The following HS6ST3 variants were observed in gnomAD, a reference collection of about 807,000 sequenced individuals.
HS6ST3 encodes heparan-sulfate 6-O-sulfotransferase 3.
A neutral mutation model predicts 36.7 loss-of-function variants in HS6ST3; 12 were observed. The ratio of observed to expected loss-of-function variants is 0.33; its 90% CI spans 0.21 to 0.53. The LOEUF is 0.53. Ranked by LOEUF, HS6ST3 falls within the 20% of genes least tolerant of loss-of-function variation. The pLI, the probability that HS6ST3 is intolerant of heterozygous loss-of-function variation, is 0.95. For missense variants in HS6ST3, 584 were observed against 640.9 expected (o/e 0.91, Z 0.96); for synonymous variants, 240 against 257.5 (o/e 0.93, Z 0.65).
chr13:96,232,176 G>A (rs2054511733), intron 1 of HS6ST3, among the ~76,000 whole-genome samples: 1 of 152,186 alleles, frequency 6.6e-6, no homozygotes. Context: ...TGTGAATTCA[G>A]AGTATAAGAT....
intron 1 of HS6ST3, among the ~76,000 whole-genome samples, chr13:96,626,709 C>G (rs1247349174): frequency 6.6e-6 from 1 of 151,982 alleles, no homozygotes; most frequent in African/African-American, 2.4e-5. Context: ...ACATTTCTAT[C>G]AAATTTTTGT....
chr13:96,243,210 C>T (rs1013008951), intron 1 of HS6ST3, among the ~76,000 whole-genome samples: 15 of 152,146 alleles, frequency 9.9e-5, no homozygotes, highest in African/African-American at 2.4e-4. Context: ...TGAAGTGCTG[C>T]GAGTCATGTA....
chr13:96,122,376 A>G (rs1356463145), intron 1 of HS6ST3, among the ~76,000 whole-genome samples: 1 of 152,072 alleles, frequency 6.6e-6, no homozygotes, highest in African/African-American at 2.4e-5. Flanking sequence ...ATTATTATAG[A>G]ATATTGTACT....
chr13:96,589,122 T>C (rs1201837426), intron 1 of HS6ST3, among the ~76,000 whole-genome samples: 4 of 152,104 alleles, frequency 2.6e-5, no homozygotes, highest in African/African-American at 9.7e-5. Flanking sequence ...AGAATTGTTT[T>C]TAGTTCTTCA....
chr13:96,469,647 A>G (rs1399058248), intron 1 of HS6ST3, among the ~76,000 whole-genome samples: 1 of 152,184 alleles, frequency 6.6e-6, no homozygotes, highest in Non-Finnish European at 1.5e-5. Context: ...TTCAGAGATC[A>G]TGCTAGGAAA....
chr13:96,694,210 C>G lies in HS6ST3; in HGVS notation c.708-138280C>G, dbSNP rs1049135563. Among the ~76,000 whole-genome samples the G allele has an allele frequency of 2.0e-5, 3 of 152,104 alleles. No individual in the cohort carries two copies. In the South Asian group the frequency reaches 6.2e-4, roughly 32 times the overall value. On this transcript the variant is annotated intron_variant, in intron 1 of 1. Transcript: ENST00000376705. ...GAAAGGCCCCAGTGTGTGTTGTTCC[C>G]CTGTCCTTGTGTTCTCATTATTTAG...
At chr13:96,648,639 C>T (rs1477377248) in intron 1 of HS6ST3, among the ~76,000 whole-genome samples, 1 of 151,922 alleles carries the variant, frequency 6.6e-6, no homozygotes, top group East Asian at 1.9e-4. Context: ...TATCCTGATG[C>T]ACTCCCTCCC....
chr13:96,283,284 A>G (rs17756665), intron 1 of HS6ST3, among the ~76,000 whole-genome samples: 3,588 of 152,330 alleles, frequency 0.024, 55 homozygotes, highest in Non-Finnish European at 0.037. Flanking sequence ...GTTCTTGCTT[A>G]GTAACTCTAC....
At chr13:96,229,521 C>T in intron 1 of HS6ST3, among the ~76,000 whole-genome samples, 1 of 152,064 alleles carries the variant, frequency 6.6e-6, no homozygotes, top group South Asian at 2.1e-4. Flanking sequence ...GAGAGAAAGA[C>T]AGGAAACCCG....
intron 1 of HS6ST3, among the ~76,000 whole-genome samples, chr13:96,350,568 T>C (rs1257179473): frequency 6.6e-6 from 1 of 152,198 alleles, no homozygotes; most frequent in Non-Finnish European, 1.5e-5. Context: ...TCTTATATGT[T>C]CATTTTGCCT....
chr13:96,125,646 T>C (rs2053946812), intron 1 of HS6ST3, among the ~76,000 whole-genome samples: 2 of 152,148 alleles, frequency 1.3e-5, no homozygotes, highest in African/African-American at 4.8e-5. Flanking sequence ...ACAGTTTTTA[T>C]ACAATATGCA....
At chr13:96,295,206 T>C (rs2054849118) in intron 1 of HS6ST3, among the ~76,000 whole-genome samples, 1 of 152,154 alleles carries the variant, frequency 6.6e-6, no homozygotes, top group East Asian at 1.9e-4. Flanking sequence ...AATGATTCCA[T>C]TGAAACCTTA....
At chr13:96,770,837 T>C (rs1001828537) in intron 1 of HS6ST3, among the ~76,000 whole-genome samples, 1 of 152,238 alleles carries the variant, frequency 6.6e-6, no homozygotes, top group Non-Finnish European at 1.5e-5. Context: ...AGGTTGCACA[T>C]GCATAATCAG....
chr13:96,640,121 T>C (rs2056565231), intron 1 of HS6ST3, among the ~76,000 whole-genome samples: 6 of 151,994 alleles, frequency 3.9e-5, no homozygotes, highest in Admixed American at 2.0e-4. Flanking sequence ...TAGTTGTGTT[T>C]TAAGTTCTTT....
At chr13:96,260,899 C>T (rs960931033) in intron 1 of HS6ST3, among the ~76,000 whole-genome samples, 1 of 152,154 alleles carries the variant, frequency 6.6e-6, no homozygotes, top group South Asian at 2.1e-4. Context: ...CTTGGCCTCT[C>T]AAAGTGCTGG....
At chr13:96,652,453 C>T (rs568969300) in intron 1 of HS6ST3, among the ~76,000 whole-genome samples, 1 of 152,052 alleles carries the variant, frequency 6.6e-6, no homozygotes, top group East Asian at 1.9e-4. Context: ...ACTCCTTCTT[C>T]CTTCTGTTTG....
intron 1 of HS6ST3, among the ~76,000 whole-genome samples, chr13:96,284,409 C>G (rs2054790425): frequency 6.6e-6 from 1 of 152,166 alleles, no homozygotes; most frequent in Non-Finnish European, 1.5e-5. Context: ...AGTCCCAAAG[C>G]TGAATAACTT....
intron 1 of HS6ST3, among the ~76,000 whole-genome samples, chr13:96,239,981 T>C (rs2054552567): frequency 6.6e-6 from 1 of 152,232 alleles, no homozygotes; most frequent in African/African-American, 2.4e-5. Flanking sequence ...TTGGAATCTT[T>C]GATGCTTTTA....
intron 1 of HS6ST3, among the ~76,000 whole-genome samples, chr13:96,634,896 T>G (rs535975): frequency 0.85 from 129,034 of 151,962 alleles, 55,032 homozygotes; most frequent in South Asian, 0.91. Context: ...TCATTAGGTT[T>G]AATCTTAATC....
Sources: gnomAD v4.1 joint callset for allele counts (sites outside exome capture counted in the v4.1 genomes callset) on GRCh38, gnomAD v4.1.1 for gene constraint, MANE v1.5 for transcripts, NCBI Gene and HGNC (gene_info 2026-07-23, HGNC 2026-07-21) for gene names.